The following GLG1 variants were observed in gnomAD, a reference collection of about 807,000 sequenced individuals.
The protein encoded by GLG1 is Golgi apparatus protein 1.
In GLG1, 38 loss-of-function variants were observed where a neutral mutation model predicts 160.5. That is an observed-to-expected ratio of 0.24 (90% CI 0.18 to 0.31). The LOEUF is 0.31. GLG1 is among the 10% of genes least tolerant of loss of function. The pLI, the probability that GLG1 is intolerant of heterozygous loss-of-function variation, is 1.00. For synonymous variants in GLG1, 644 were observed against 543.4 expected (o/e 1.19, Z -2.57); for missense variants, 1,373 against 1,505.2 (o/e 0.91, Z 1.45).
chr16:74,555,080 G>C (rs939259321), intron 1 of GLG1, among the ~76,000 whole-genome samples: 2 of 151,982 alleles, frequency 1.3e-5, no homozygotes, highest in African/African-American at 4.8e-5. Flanking sequence ...GATAAAACGG[G>C]AAAAAAGAAA....
chr16:74,524,077 G>GT (rs1354205292), intron 2 of GLG1, among the ~76,000 whole-genome samples: 1 of 152,060 alleles, frequency 6.6e-6, no homozygotes, highest in Non-Finnish European at 1.5e-5. Flanking sequence ...GCTGGGTGTG[G>GT]TATGTGCCTG....
At chr16:74,462,675 T>G in intron 20 of GLG1, 45 bp from the exon 21 acceptor site, 1 of 1,593,518 alleles carries the variant, frequency 6.3e-7, no homozygotes, top group Non-Finnish European at 8.6e-7. Flanking sequence ...TTCCACCTGA[T>G]TCACACATTT....
intron 20 of GLG1, 91 bp from the exon 21 acceptor site, chr16:74,462,721 T>C: frequency 8.8e-7 from 1 of 1,139,180 alleles, no homozygotes; most frequent in South Asian, 1.2e-5. Context: ...GCATATTATG[T>C]CAATGATCAT....
At chr16:74,593,417 T>A (rs570801150) in intron 1 of GLG1, among the ~76,000 whole-genome samples, 105 of 147,594 alleles carry the variant, frequency 7.1e-4, no homozygotes, top group African/African-American at 2.5e-3. Flanking sequence ...AAATTACAAG[T>A]GAAGTACCAG....
At chr16:74,584,422 C>T (rs1958001464) in intron 1 of GLG1, among the ~76,000 whole-genome samples, 1 of 152,104 alleles carries the variant, frequency 6.6e-6, no homozygotes, top group Non-Finnish European at 1.5e-5. Flanking sequence ...CATTTATAAA[C>T]CATCTCTTAG....
At chr16:74,556,686 T>C (rs886907092) in intron 1 of GLG1, among the ~76,000 whole-genome samples, 1 of 149,262 alleles carries the variant, frequency 6.7e-6, no homozygotes, top group African/African-American at 2.5e-5. Flanking sequence ...AATATTATTA[T>C]TTTTTTATTA....
At chr16:74,477,977 A>AAAAAAAATAAATAAATAAATAAAT (rs55773213) in intron 11 of GLG1, among the ~76,000 whole-genome samples, 1 of 140,148 alleles carries the variant, frequency 7.1e-6, no homozygotes, top group Non-Finnish European at 1.5e-5. Flanking sequence ...CCGTCTCAAA[A>AAAAAAAATAAATAAATAAATAAAT]AAATAAATAA....
chr16:74,597,810 C>A (rs1958341230), intron 1 of GLG1, among the ~76,000 whole-genome samples: 1 of 149,016 alleles, frequency 6.7e-6, no homozygotes, highest in Admixed American at 6.7e-5. Flanking sequence ...GCTGAGATCG[C>A]ACCACTGCAC....
intron 5 of GLG1, among the ~76,000 whole-genome samples, chr16:74,495,268 C>T (rs1022120038): frequency 2.0e-5 from 3 of 152,108 alleles, no homozygotes; most frequent in African/African-American, 7.2e-5. Context: ...CCCCCGCCAC[C>T]CTGCCCAACT....
intron 2 of GLG1, among the ~76,000 whole-genome samples, chr16:74,511,333 T>A (rs1232778243): frequency 6.6e-6 from 1 of 151,938 alleles, no homozygotes; most frequent in African/African-American, 2.4e-5. Context: ...GAGTAAAAGC[T>A]CTCATCTCTC....
At chr16:74,453,570 CCCACAATTCCATCACAGTGATCA>C (rs962650876) in intron 25 of GLG1, among the ~76,000 whole-genome samples, 16 of 152,172 alleles carry the variant, frequency 1.1e-4, no homozygotes, top group African/African-American at 3.4e-4. Context: ...GGTGCAGTCA[CCCACAATTCCATCACAGTGATCA>C]CCACTAACAC....
chr16:74,556,430 AATTT>A (rs1376326952), intron 1 of GLG1, among the ~76,000 whole-genome samples: 1 of 152,192 alleles, frequency 6.6e-6, no homozygotes, highest in Non-Finnish European at 1.5e-5. Context: ...TAACCCAAAC[AATTT>A]ATTTAAACCA....
chr16:74,561,109 GCCAACAGGCAGCAAGC>G (rs1201029368), intron 1 of GLG1, among the ~76,000 whole-genome samples: 3 of 152,050 alleles, frequency 2.0e-5, no homozygotes, highest in African/African-American at 7.2e-5. Flanking sequence ...CAGGATCGGG[GCCAACAGGCAGCAAGC>G]CAGGATCCTG....
chr16:74,545,330 G>T (rs2018017005), intron 1 of GLG1, among the ~76,000 whole-genome samples: 3 of 152,192 alleles, frequency 2.0e-5, no homozygotes, highest in Admixed American at 2.0e-4. Context: ...ACAGGTGCAT[G>T]CCACTACACC....
intron 3 of GLG1, among the ~76,000 whole-genome samples, 161 bp downstream of exon 3, chr16:74,508,678 A>G (rs1484929794): frequency 1.3e-5 from 2 of 152,140 alleles, no homozygotes; most frequent in Non-Finnish European, 2.9e-5. Context: ...GGACATTAAC[A>G]AAAAGAGTCT....
intron 2 of GLG1, among the ~76,000 whole-genome samples, chr16:74,518,139 G>C (rs1034660835): frequency 6.6e-6 from 1 of 152,102 alleles, no homozygotes; most frequent in African/African-American, 2.4e-5. Context: ...GTAATTTATA[G>C]AGTCAATGCT....
chr16:74,462,346 C>T (rs2014833913), intron 21 of GLG1, 142 bp downstream of exon 21: 4 of 838,964 alleles, frequency 4.8e-6, no homozygotes, highest in Non-Finnish European at 7.8e-6. Flanking sequence ...TGCTTTTGAT[C>T]TGGCCCCTTA....
intron 1 of GLG1, among the ~76,000 whole-genome samples, chr16:74,568,909 C>T (rs1683932834): frequency 6.6e-6 from 1 of 152,116 alleles, no homozygotes; most frequent in Non-Finnish European, 1.5e-5. Flanking sequence ...CAATAAAGAG[C>T]TAAAAATACC....
At chr16:74,597,795 A>C (rs1411335566) in intron 1 of GLG1, among the ~76,000 whole-genome samples, 2 of 150,922 alleles carry the variant, frequency 1.3e-5, no homozygotes, top group African/African-American at 4.9e-5. Context: ...TGGAGCTTGC[A>C]GTGAGCTGAG....
Sources: gnomAD v4.1 joint callset for allele counts (sites outside exome capture counted in the v4.1 genomes callset) on GRCh38, gnomAD v4.1.1 for gene constraint, MANE v1.5 for transcripts, NCBI Gene and HGNC (gene_info 2026-07-23, HGNC 2026-07-21) for gene names.